SLC36A1: variants seen among roughly 807,000 people sequenced by gnomAD.
SLC36A1 encodes the protein solute carrier family 36 member 1, also known as proton-coupled amino acid transporter 1.
A neutral mutation model predicts 47.5 loss-of-function variants in SLC36A1; 30 were observed. The observed-to-expected ratio is 0.63, with a 90% CI of 0.47 to 0.86. The LOEUF is 0.86. SLC36A1 is among the 40% of genes least tolerant of loss of function. The probability of loss-of-function intolerance (pLI) is 0.00; values close to 1 mark genes in which losing one functional copy is unlikely to be tolerated. For missense variants in SLC36A1, 517 were observed against 606.0 expected, an observed-to-expected ratio of 0.85 and a Z score of 1.54; for synonymous variants, 255 against 249.7, an observed-to-expected ratio of 1.02 and a Z score of -0.20.
At chr5:151,520,439 T>G in the SLC36A1 span, among the ~76,000 whole-genome samples, 1 of 152,194 alleles carries the variant, frequency 6.6e-6, no homozygotes, top group Admixed American at 6.5e-5. Flanking sequence ...CAACTGCAGA[T>G]GGGGCTAATG....
At chr5:151,397,337 A>G in the SLC36A1 span, among the ~76,000 whole-genome samples, 1 of 152,202 alleles carries the variant, frequency 6.6e-6, no homozygotes, top group African/African-American at 2.4e-5. Context: ...GGAGCGGAAC[A>G]AAAAGGGTTT....
chr5:151,507,860 A>T, the SLC36A1 span, among the ~76,000 whole-genome samples: 1,641 of 152,272 alleles, frequency 0.011, 31 homozygotes, highest in African/African-American at 0.037. Flanking sequence ...TTTTTCCAGC[A>T]ATGAGATCTA....
the SLC36A1 span, chr5:151,543,408 G>C: frequency 6.2e-7 from 1 of 1,614,044 alleles, no homozygotes; most frequent in African/African-American, 1.3e-5. Context: ...CTGTGAGGAT[G>C]ATCTTCACCG....
chr5:151,467,349 A>C (rs1756582663), intron 6 of SLC36A1, 66 bp downstream of exon 6: 3 of 1,148,482 alleles, frequency 2.6e-6, no homozygotes, highest in Non-Finnish European at 3.8e-6. Flanking sequence ...AAGATGATTG[A>C]AGTTTTTGTT....
At chr5:151,498,773 C>A in the SLC36A1 span, among the ~76,000 whole-genome samples, 2 of 152,376 alleles carry the variant, frequency 1.3e-5, no homozygotes, top group East Asian at 3.9e-4. Context: ...ACCCTCCTTT[C>A]TGTGCTAAAT....
chr5:151,452,444 CT>C (rs1753788415), intron 1 of SLC36A1: 1 of 152,184 alleles, frequency 6.6e-6, no homozygotes. Flanking sequence ...ACGGATGACA[CT>C]TTTAGCTTGC....
At chr5:151,372,852 A>G in the SLC36A1 span, among the ~76,000 whole-genome samples, 9 of 152,232 alleles carry the variant, frequency 5.9e-5, no homozygotes, top group Non-Finnish European at 1.5e-5. Flanking sequence ...AACAGAAAAA[A>G]AGAGTGAAAA....
chr5:151,395,402 C>G, the SLC36A1 span, among the ~76,000 whole-genome samples: 2 of 151,982 alleles, frequency 1.3e-5, no homozygotes, highest in African/African-American at 2.4e-5. Flanking sequence ...CAGTGGGCTG[C>G]AGCCACTGTC....
the SLC36A1 span, among the ~76,000 whole-genome samples, chr5:151,384,494 A>C: frequency 6.6e-6 from 1 of 152,194 alleles, no homozygotes; most frequent in Non-Finnish European, 1.5e-5. Context: ...GCCTTCTATA[A>C]TCTGCAGTTT....
chr5:151,481,828 A>C (rs165360), intron 10 of SLC36A1, among the ~76,000 whole-genome samples: 22,310 of 152,202 alleles, frequency 0.15, 1,984 homozygotes, highest in Non-Finnish European at 0.21. Context: ...ATCTACTTCC[A>C]GCCCATATTT....
chr5:151,458,356 T>TACACAC (rs1554110054), intron 1 of SLC36A1, among the ~76,000 whole-genome samples: 7,385 of 129,664 alleles, frequency 0.057, 218 homozygotes, highest in African/African-American at 0.082. Flanking sequence ...TATATATATA[T>TACACAC]ACACACACGA....
At chr5:151,510,315 G>A in the SLC36A1 span, 3 of 949,444 alleles carry the variant, frequency 3.2e-6, no homozygotes, top group African/African-American at 1.6e-5. Flanking sequence ...CCAATACCGT[G>A]CTGGGCATTG....
At chr5:151,386,507 C>T in the SLC36A1 span, among the ~76,000 whole-genome samples, 2 of 152,088 alleles carry the variant, frequency 1.3e-5, no homozygotes, top group African/African-American at 4.8e-5. Flanking sequence ...CTTGTGTGGA[C>T]ATCTGTTGCT....
the SLC36A1 span, chr5:151,521,524 G>A: frequency 6.2e-7 from 1 of 1,614,232 alleles, no homozygotes; most frequent in Non-Finnish European, 8.5e-7. Context: ...GAAGGTTCCA[G>A]AATGCCCCTC....
the SLC36A1 span, among the ~76,000 whole-genome samples, chr5:151,537,348 GAAA>G: frequency 2.2e-3 from 110 of 50,568 alleles, no homozygotes; most frequent in Non-Finnish European, 4.0e-3. Flanking sequence ...GAAAAGAAAA[GAAA>G]AAAGAAGGAA....
chr5:151,522,089 G>A, the SLC36A1 span: 3 of 1,575,230 alleles, frequency 1.9e-6, no homozygotes, highest in East Asian at 2.3e-5. Flanking sequence ...TCTGACGCCT[G>A]TGGGCAAAAC....
chr5:151,474,473 C>T (rs1757779060), intron 8 of SLC36A1, among the ~76,000 whole-genome samples: 1 of 151,996 alleles, frequency 6.6e-6, no homozygotes, highest in Non-Finnish European at 1.5e-5. Context: ...ATTATTTGTT[C>T]CTGAAAAGTG....
Position 151,488,441 on chromosome 5 carries a change from C to T in SLC36A1, c.*187C>T. 2 of 700,196 alleles carry T rather than the reference C, an allele frequency of 2.9e-6. No individual in the cohort carries two copies. Among genetic ancestry groups the T allele is most frequent in the East Asian group, 5.5e-5 (2 of 36,328 alleles). The allele number at this position is 700,196 out of a possible 1,614,324, so 43.4% of individuals were successfully genotyped here. A position where few individuals can be genotyped will look rare whatever the true frequency, so the allele number is the denominator to read the frequency against. On this transcript the variant is annotated 3_prime_UTR_variant, in exon 11 of 11. Transcript: ENST00000243389. ...GGCAGGGGAGAGGTGGGGTGGCAGA[C>T]ACGCAGAAGTGCTACTAGTGACAGG...
the SLC36A1 span, among the ~76,000 whole-genome samples, chr5:151,398,587 C>T: frequency 6.6e-6 from 1 of 152,198 alleles, no homozygotes; most frequent in South Asian, 2.1e-4. Flanking sequence ...ATTGCTCATC[C>T]TTTATTCCAG....
Sources: gnomAD v4.1 joint callset for allele counts (sites outside exome capture counted in the v4.1 genomes callset) on GRCh38, gnomAD v4.1.1 for gene constraint, MANE v1.5 for transcripts, NCBI Gene and HGNC (gene_info 2026-07-23, HGNC 2026-07-21) for gene names.